ZNF469: variants seen among roughly 807,000 people sequenced by gnomAD.
The protein encoded by ZNF469 is zinc finger protein 469.
ZNF469 carries 1 observed loss-of-function variant against 1.0 expected under a neutral mutation model. That is an observed-to-expected ratio of 1.00 (90% CI 0.35 to 4.73). The LOEUF (loss-of-function observed/expected upper bound fraction) is 4.73. ZNF469 is among the 30% of genes most tolerant of loss of function. The probability of loss-of-function intolerance (pLI) is 0.16; values close to 1 mark genes in which losing one functional copy is unlikely to be tolerated. For missense variants in ZNF469, 6,100 were observed against 5,356.3 expected, an observed-to-expected ratio of 1.14 and a Z score of -4.33; for synonymous variants, 2,703 against 2,363.4, an observed-to-expected ratio of 1.14 and a Z score of -4.17.
At position 88,436,416 on chromosome 16, in the gene ZNF469, T is replaced by A; in HGVS notation, c.8946T>A (p.Asp2982Glu). 2 of 1,549,116 alleles carry A rather than the reference T, an allele frequency of 1.3e-6. No homozygotes were observed. Among genetic ancestry groups the A allele is most frequent in the South Asian group, 2.4e-5 (2 of 84,048 alleles). The part of the protein sequence containing the change: ...EKLPSHCPED[D>E]RPEAIPELHM... ...TGCCCTCCCACTGCCCCGAGGACGA[T>A]CGGCCGGAGGCCATTCCTGAGCTGC... Residue 2982 changes from aspartate (D) to glutamate (E), a missense_variant, in exon 3 of 3, where the codon GAT becomes GAA. Physicochemically the swap from Asp to Glu is conservative, Grantham distance 45. Transcript: ENST00000565624.
At chr16:88,273,820 T>TTTTG in the ZNF469 span, among the ~76,000 whole-genome samples, 1 of 151,588 alleles carries the variant, frequency 6.6e-6, no homozygotes, top group Non-Finnish European at 1.5e-5. Flanking sequence ...TTTTTTTTTT[T>TTTTG]TTGAGACGGA....
the ZNF469 span, among the ~76,000 whole-genome samples, chr16:88,135,470 C>T: frequency 1.3e-5 from 2 of 152,212 alleles, no homozygotes; most frequent in East Asian, 1.9e-4. Flanking sequence ...AGTGCCAGCC[C>T]GTGGCTGCTT....
Position 88,435,804 on chromosome 16 carries a change from C to T in ZNF469, c.8334C>T (p.Ser2778=). 6.4e-7 allele frequency: 1 copy of T among 1,550,532 alleles called. No homozygotes were observed. Among genetic ancestry groups the T allele is most frequent in the South Asian group, 1.2e-5 (1 of 84,064 alleles). The change falls in exon 3 of 3, where the codon AGC becomes AGT. Residue 2778 remains serine (S), a synonymous_variant. Transcript: ENST00000565624. ...CTGGGAGCGAGCCTGCGGAGGACAG[C>T]AGCAGGGCCCACAGCCGATCAGAGG... ...KESGSEPAED[S]SRAHSRSEEG...
intron 1 of ZNF469, among the ~76,000 whole-genome samples, chr16:88,386,696 C>T (rs1388859313): frequency 6.6e-6 from 1 of 152,212 alleles, no homozygotes; most frequent in Non-Finnish European, 1.5e-5. Flanking sequence ...CCAGGTCAAG[C>T]CTGTCTCCAA....
chr16:88,329,820 G>A, the ZNF469 span, among the ~76,000 whole-genome samples: 1 of 152,258 alleles, frequency 6.6e-6, no homozygotes, highest in Admixed American at 6.5e-5. Context: ...CCTTTCCTGG[G>A]ATGCAGACGC....
the ZNF469 span, among the ~76,000 whole-genome samples, chr16:88,129,402 A>G: frequency 4.0e-5 from 6 of 151,150 alleles, no homozygotes; most frequent in Admixed American, 4.0e-4. Context: ...GACAGAACTC[A>G]TTGTCCTCTG....
At chr16:88,387,142 C>G (rs572886133) in intron 1 of ZNF469, among the ~76,000 whole-genome samples, 5 of 152,194 alleles carry the variant, frequency 3.3e-5, no homozygotes, top group African/African-American at 9.6e-5. Flanking sequence ...CCCAGAGACC[C>G]GCGGCAGCCC....
At chr16:88,148,573 T>C in the ZNF469 span, among the ~76,000 whole-genome samples, 1 of 152,172 alleles carries the variant, frequency 6.6e-6, no homozygotes, top group Non-Finnish European at 1.5e-5. Flanking sequence ...TTTGAGCTCA[T>C]GGGACCCTTT....
Position 88,427,454 on chromosome 16 carries a change from G to T in ZNF469, c.-17G>T, listed in dbSNP as rs1055270645. On this transcript the variant is annotated 5_prime_UTR_variant, in exon 3 of 3. Transcript: ENST00000565624. ...CCTCGGACAGCTGCGTCGTCCTAGC[G>T]CCAGGACGGAGGGGCCATGCCTGGG... 1.3e-6 allele frequency: 2 copies of T among 1,484,120 alleles called. No homozygotes were observed. The highest frequency in any genetic ancestry group is 1.4e-5 in the African/African-American group (1 of 71,602). The allele number at this position is 1,484,120 out of a possible 1,614,324, so 91.9% of individuals were successfully genotyped here.
chr16:88,349,099 G>A, the ZNF469 span, among the ~76,000 whole-genome samples: 1 of 152,172 alleles, frequency 6.6e-6, no homozygotes, highest in Non-Finnish European at 1.5e-5. Flanking sequence ...TGGGCGGGAG[G>A]CAGGAGGCTT....
chr16:88,276,341 G>T, the ZNF469 span: 1 of 152,274 alleles, frequency 6.6e-6, no homozygotes, highest in Non-Finnish European at 1.5e-5. Context: ...GTGCATTTCA[G>T]ACAAGCGCCA....
At chr16:88,222,124 C>A in the ZNF469 span, among the ~76,000 whole-genome samples, 3 of 152,178 alleles carry the variant, frequency 2.0e-5, no homozygotes, top group East Asian at 3.9e-4. Context: ...GGCACATACT[C>A]TCATCCGCAG....
the ZNF469 span, among the ~76,000 whole-genome samples, chr16:88,102,858 G>C: frequency 9.8e-5 from 15 of 152,370 alleles, no homozygotes; most frequent in Middle Eastern, 6.8e-3. Context: ...CCTTGGCCTC[G>C]TGTCTGTGCA....
At position 88,436,307 on chromosome 16, in the gene ZNF469, G is replaced by A; in HGVS notation, c.8837G>A (p.Ser2946Asn). The A allele has an allele frequency of 6.5e-7, 1 of 1,549,806 alleles. No individual in the cohort carries two copies. The highest frequency in any genetic ancestry group is 1.2e-5 in the South Asian group (1 of 84,054). ...ESFLLDGFLNSRVPGIDPWAP... is the reference protein window; with the variant it reads ...ESFLLDGFLNNRVPGIDPWAP... Reference sequence around the variant, plus strand: ...TTCCTCCTGGATGGGTTCCTCAATAGCAGGGTGCCTGGCATTGACCCCTGG... The same window carrying A: ...TTCCTCCTGGATGGGTTCCTCAATAACAGGGTGCCTGGCATTGACCCCTGG... The change falls in exon 3 of 3, where the codon AGC becomes AAC. Residue 2946 changes from serine (S) to asparagine (N), a missense_variant. By Grantham distance (46) the Ser-to-Asn change is conservative. Transcript: ENST00000565624.
At chr16:88,301,106 G>C in the ZNF469 span, among the ~76,000 whole-genome samples, 1 of 152,006 alleles carries the variant, frequency 6.6e-6, no homozygotes, top group Non-Finnish European at 1.5e-5. Flanking sequence ...CGTTGGGAGC[G>C]TGCTTTGTAC....
the ZNF469 span, among the ~76,000 whole-genome samples, chr16:88,167,651 G>C: frequency 3.3e-4 from 50 of 152,278 alleles, no homozygotes; most frequent in East Asian, 9.5e-3. Flanking sequence ...ACCCAGCCCC[G>C]GGGGAAGTCC....
chr16:88,318,515 T>C, the ZNF469 span, among the ~76,000 whole-genome samples: 2 of 151,804 alleles, frequency 1.3e-5, no homozygotes, highest in East Asian at 1.9e-4. Flanking sequence ...CCCAGCCCTT[T>C]AGCAAGTCAG....
At chr16:88,283,450 A>G in the ZNF469 span, among the ~76,000 whole-genome samples, 1 of 152,252 alleles carries the variant, frequency 6.6e-6, no homozygotes, top group Non-Finnish European at 1.5e-5. Context: ...GGAGAAGTCA[A>G]TACATTTGTA....
chr16:88,283,000 C>T, the ZNF469 span, among the ~76,000 whole-genome samples: 1 of 152,182 alleles, frequency 6.6e-6, no homozygotes, highest in East Asian at 1.9e-4. Flanking sequence ...CCAGCGATTC[C>T]CTCCGGAGTT....
Sources: allele counts gnomAD v4.1 joint callset (sites outside exome capture counted in the v4.1 genomes callset), GRCh38; gene constraint gnomAD v4.1.1; transcripts MANE v1.5; gene names NCBI Gene and HGNC (gene_info 2026-07-23, HGNC 2026-07-21).